The following PRDM16 variants were observed in gnomAD, a reference collection of about 807,000 sequenced individuals.
PRDM16 encodes PR/SET domain 16.
A neutral mutation model predicts 110.6 loss-of-function variants in PRDM16; 23 were observed. The ratio of observed to expected loss-of-function variants is 0.21; its 90% CI spans 0.15 to 0.29. PRDM16 has a LOEUF of 0.29. Ranked by LOEUF, PRDM16 falls within the 10% of genes least tolerant of loss-of-function variation. The probability of loss-of-function intolerance (pLI) is 1.00; values close to 1 mark genes in which losing one functional copy is unlikely to be tolerated. For synonymous variants in PRDM16, 799 were observed against 781.8 expected (o/e 1.02, Z -0.37); for missense variants, 1,615 against 1,794.3 (o/e 0.90, Z 1.81).
At chr1:3,368,850 A>T (rs959581320) in intron 3 of PRDM16, among the ~76,000 whole-genome samples, 14 of 152,254 alleles carry the variant, frequency 9.2e-5, no homozygotes, top group Non-Finnish European at 1.5e-4. Flanking sequence ...AGCAATAGCA[A>T]AATCCACAAA....
chr1:3,356,625 G>A lies in PRDM16; in HGVS notation c.439-28527G>A, dbSNP rs147127766. On this transcript the variant is annotated intron_variant, in intron 3 of 16. Transcript: ENST00000270722. ...GTGTCTGGACGCTGTTCTAAGGAGC[G>A]CTTCACATAGATGATCTTAGCCTGC... 1.1e-3 allele frequency among the ~76,000 whole-genome samples: 172 copies of A among 152,342 alleles called. 6 individuals carry two copies. The South Asian group carries it at 0.026, about 23-fold the overall frequency.
chr1:3,118,088 T>C (rs967147595), intron 1 of PRDM16, among the ~76,000 whole-genome samples: 9 of 151,692 alleles, frequency 5.9e-5, no homozygotes, highest in Non-Finnish European at 5.9e-5. Context: ...CGTGCATGTG[T>C]ATGTGTGTAC....
intron 5 of PRDM16, among the ~76,000 whole-genome samples, chr1:3,397,050 T>C (rs946866569): frequency 1.3e-5 from 2 of 152,230 alleles, no homozygotes; most frequent in Non-Finnish European, 2.9e-5. Context: ...CTTCGAAGCA[T>C]TTCTGGCTGC....
intron 1 of PRDM16, among the ~76,000 whole-genome samples, chr1:3,179,454 C>T (rs34715337): frequency 0.052 from 7,893 of 152,296 alleles, 225 homozygotes; most frequent in Admixed American, 0.072. Context: ...GGGAGGAGCA[C>T]ACCCTCCTTC....
chr1:3,421,570 T>C (rs1419823766), intron 12 of PRDM16, among the ~76,000 whole-genome samples: 1 of 152,198 alleles, frequency 6.6e-6, no homozygotes, highest in Non-Finnish European at 1.5e-5. Context: ...GACTTCTCTG[T>C]CTGGGCCATT....
At chr1:3,230,064 C>G (rs961462579) in intron 2 of PRDM16, among the ~76,000 whole-genome samples, 10 of 152,202 alleles carry the variant, frequency 6.6e-5, no homozygotes, top group Non-Finnish European at 1.3e-4. Flanking sequence ...ACGCGCATCC[C>G]CCTGCAGCTC....
chr1:3,375,816 T>C (rs564324019), intron 3 of PRDM16, among the ~76,000 whole-genome samples: 10 of 152,172 alleles, frequency 6.6e-5, no homozygotes, highest in Non-Finnish European at 1.3e-4. Flanking sequence ...TCAATGTTCA[T>C]AGACGCTGCT....
In PRDM16 at chr1:3,246,362, C is replaced by T. The variant is rs1412789298; in HGVS notation, c.438+2225C>T. Reference sequence around the variant, plus strand: ...AGCAGGTTGAGAACCTTGGGTCGGGCTGAGGAGTCTCAGGTTCCGCCATCC... The same window carrying T: ...AGCAGGTTGAGAACCTTGGGTCGGGTTGAGGAGTCTCAGGTTCCGCCATCC... On this transcript the variant is annotated intron_variant, in intron 3 of 16. Coordinates refer to ENST00000270722, the MANE Select transcript of PRDM16 (RefSeq NM_022114.4). This position sits in a 1 kb window ranked among gnomAD's most constrained non-coding sequence, Gnocchi z 5.2. 6.6e-6 allele frequency among the ~76,000 whole-genome samples: 1 copy of T among 152,228 alleles called. No homozygotes were observed. The highest frequency in any genetic ancestry group is 1.5e-5 in the Non-Finnish European group (1 of 68,044).
At chr1:3,161,383 A>T (rs1235571848) in intron 1 of PRDM16, among the ~76,000 whole-genome samples, 1 of 152,198 alleles carries the variant, frequency 6.6e-6, no homozygotes, top group Non-Finnish European at 1.5e-5. Flanking sequence ...GGTTTCCCAC[A>T]TCTTGTCAAA....
chr1:3,378,282 G>C (rs915944417), intron 3 of PRDM16, among the ~76,000 whole-genome samples: 1 of 152,136 alleles, frequency 6.6e-6, no homozygotes, highest in African/African-American at 2.4e-5. Context: ...TGGGCAGCCG[G>C]AGGGCCACCA....
At chr1:3,292,943 G>A (rs1272770643) in intron 3 of PRDM16, among the ~76,000 whole-genome samples, 1 of 152,246 alleles carries the variant, frequency 6.6e-6, no homozygotes, top group Non-Finnish European at 1.5e-5. Flanking sequence ...GTCTTCTGTG[G>A]GTTGACCCTC....
intron 1 of PRDM16, among the ~76,000 whole-genome samples, chr1:3,169,547 G>T (rs1435007231): frequency 6.6e-6 from 1 of 152,198 alleles, no homozygotes; most frequent in Non-Finnish European, 1.5e-5. Context: ...TCCATAAAAT[G>T]GAGATAATAA....
intron 3 of PRDM16, among the ~76,000 whole-genome samples, chr1:3,351,624 C>G (rs1557626998): frequency 2.2e-5 from 1 of 44,506 alleles, no homozygotes. Context: ...CCCTCCCTCT[C>G]TCCCCCTCCC....
chr1:3,071,060 C>T (rs114526461), intron 1 of PRDM16, among the ~76,000 whole-genome samples: 3,296 of 152,394 alleles, frequency 0.022, 111 homozygotes, highest in African/African-American at 0.075. Flanking sequence ...TCTGTGTGTG[C>T]ACCGCGGGCC....
intron 3 of PRDM16, among the ~76,000 whole-genome samples, chr1:3,279,194 A>G (rs1640655816): frequency 6.6e-6 from 1 of 152,200 alleles, no homozygotes; most frequent in African/African-American, 2.4e-5. Context: ...ATGCCTGGAA[A>G]GACCGGCGGC....
At chr1:3,227,597 A>G (rs1240228241) in intron 2 of PRDM16, among the ~76,000 whole-genome samples, 2 of 152,260 alleles carry the variant, frequency 1.3e-5, no homozygotes, top group Non-Finnish European at 2.9e-5. Flanking sequence ...AAAGGGAATC[A>G]GGACCCGTGG....
In PRDM16 at chr1:3,186,481, G is replaced by A. The variant is rs755685432; in HGVS notation, c.387+7G>A. ...GACAGACTTCGGATGGGAGGTGAGC[G>A]ATCGCGCCTGAGTATGATTGATCAC... On this transcript the variant is annotated splice_region_variant and intron_variant, in intron 2 of 16. Transcript: ENST00000270722. The A allele has an allele frequency of 8.2e-6, 12 of 1,470,664 alleles. No individual in the cohort carries two copies. The highest frequency in any genetic ancestry group is 4.6e-5 in the East Asian group (2 of 43,560). The allele number at this position is 1,470,664 out of a possible 1,614,324, so 91.1% of individuals were successfully genotyped here. A position where few individuals can be genotyped will look rare whatever the true frequency, so the allele number is the denominator to read the frequency against.
intron 1 of PRDM16, among the ~76,000 whole-genome samples, chr1:3,089,225 G>A (rs1051888995): frequency 2.6e-5 from 4 of 152,240 alleles, no homozygotes; most frequent in African/African-American, 7.2e-5. Flanking sequence ...CCTGGCCCCT[G>A]CCTGGAGAAG....
chr1:3,235,100 G>A (rs1249630919), intron 2 of PRDM16, among the ~76,000 whole-genome samples: 1 of 152,182 alleles, frequency 6.6e-6, no homozygotes, highest in East Asian at 1.9e-4. Context: ...CTCCACTGGC[G>A]TCCCAGCCAG....
Sources: allele counts gnomAD v4.1 joint callset (sites outside exome capture counted in the v4.1 genomes callset), GRCh38; gene constraint gnomAD v4.1.1; non-coding constraint Gnocchi (gnomAD v3.1); transcripts MANE v1.5; gene names NCBI Gene and HGNC (gene_info 2026-07-23, HGNC 2026-07-21).